FAM117A: variants seen among roughly 807,000 people sequenced by gnomAD.
FAM117A encodes family with sequence similarity 117 member A, also known as protein FAM117A.
In FAM117A, 21 loss-of-function variants were observed where a neutral mutation model predicts 44.1. The observed-to-expected ratio is 0.48, with a 90% CI of 0.34 to 0.69. The LOEUF (loss-of-function observed/expected upper bound fraction) is 0.69, where lower values mean the gene tolerates loss of function less well. FAM117A is among the 30% of genes least tolerant of loss of function. The pLI is 0.01. For missense variants in FAM117A, 498 were observed against 589.9 expected (o/e 0.84, Z 1.61); for synonymous variants, 220 against 238.3 (o/e 0.92, Z 0.71).
intron 2 of FAM117A, among the ~76,000 whole-genome samples, chr17:49,723,100 C>T (rs544163801): frequency 1.3e-5 from 2 of 152,216 alleles, no homozygotes; most frequent in East Asian, 3.9e-4. Flanking sequence ...AACATAGGTC[C>T]CCTGACCAAA....
intron 1 of FAM117A, among the ~76,000 whole-genome samples, chr17:49,781,832 C>T (rs1222219935): frequency 4.0e-5 from 6 of 151,860 alleles, no homozygotes; most frequent in South Asian, 4.2e-4. Flanking sequence ...AAAAAATTAG[C>T]GGGGTATGGT....
chr17:49,774,604 C>T lies in FAM117A; in HGVS notation c.-621+13893G>A, dbSNP rs368008584. ...CAAACTCCTGACCTCGTGATCTGCC[C>T]GCCTCAGCCTCCCAAAGTGCTGGGA... On this transcript the variant is annotated intron_variant, in intron 1 of 7. Transcript: ENST00000513602. 2.6e-4 allele frequency among the ~76,000 whole-genome samples: 40 copies of T among 152,216 alleles called. 1 individual carries two copies. In the East Asian group the frequency reaches 7.0e-3, roughly 26 times the overall value.
At chr17:49,725,446 A>G (rs1437285831) in intron 2 of FAM117A, among the ~76,000 whole-genome samples, 1 of 152,238 alleles carries the variant, frequency 6.6e-6, no homozygotes, top group Admixed American at 6.5e-5. Flanking sequence ...GATAAGTGCC[A>G]AGGAGAAAAA....
At chr17:49,731,300 G>A (rs970384424) in intron 2 of FAM117A, among the ~76,000 whole-genome samples, 2 of 152,192 alleles carry the variant, frequency 1.3e-5, no homozygotes, top group Non-Finnish European at 2.9e-5. Context: ...TAGCCACCCT[G>A]TTTCTGCCTA....
chr17:49,789,102 T>C (rs1249363335), upstream of FAM117A: 1 of 377,220 alleles, frequency 2.7e-6, no homozygotes, highest in East Asian at 4.0e-5. Context: ...CGCTGAAACG[T>C]CTGGAAGCAT....
chr17:49,739,217 A>G (rs976790693), intron 1 of FAM117A, among the ~76,000 whole-genome samples: 3 of 152,202 alleles, frequency 2.0e-5, no homozygotes, highest in Non-Finnish European at 2.9e-5. Context: ...GTCCTTTAGG[A>G]TTGAAGGTGT....
chr17:49,724,275 C>T, intron 2 of FAM117A: 1 of 449,762 alleles, frequency 2.2e-6, no homozygotes, highest in Middle Eastern at 6.1e-4. Context: ...GAAGCTGGGC[C>T]CCGCACCCCC....
chr17:49,724,043 A>C (rs952256199), intron 2 of FAM117A, among the ~76,000 whole-genome samples: 5 of 152,154 alleles, frequency 3.3e-5, no homozygotes, highest in African/African-American at 1.2e-4. Context: ...CAAACCCTAA[A>C]GCCATATACT....
chr17:49,785,597 A>C (rs1331341758), intron 1 of FAM117A, among the ~76,000 whole-genome samples: 1 of 152,174 alleles, frequency 6.6e-6, no homozygotes, highest in Non-Finnish European at 1.5e-5. Flanking sequence ...TTCAGATCTG[A>C]CATCAAAGCC....
intron 1 of FAM117A, among the ~76,000 whole-genome samples, chr17:49,783,932 T>C (rs1598040580): frequency 6.6e-6 from 1 of 152,134 alleles, no homozygotes; most frequent in South Asian, 2.1e-4. Context: ...GCATGGCTGG[T>C]TCTGTGCAAG....
chr17:49,776,085 A>G (rs555027447), intron 1 of FAM117A, among the ~76,000 whole-genome samples: 2 of 152,156 alleles, frequency 1.3e-5, no homozygotes, highest in East Asian at 3.9e-4. Flanking sequence ...AGGAAGTAAC[A>G]CAGCCAACAG....
intron 2 of FAM117A, 99 bp from the exon 3 acceptor site, chr17:49,722,693 C>T: frequency 1.1e-6 from 1 of 920,998 alleles, no homozygotes; most frequent in Non-Finnish European, 1.7e-6. Flanking sequence ...CCCTTTGAGC[C>T]CTTCTCTCTG....
chr17:49,751,316 C>T (rs1475786577), intron 1 of FAM117A, among the ~76,000 whole-genome samples: 1 of 149,846 alleles, frequency 6.7e-6, no homozygotes, highest in South Asian at 2.1e-4. Context: ...CGCGCTGGCT[C>T]ACACCTGTAA....
At chr17:49,750,977 T>G (rs1328033555) in intron 1 of FAM117A, among the ~76,000 whole-genome samples, 1 of 151,976 alleles carries the variant, frequency 6.6e-6, no homozygotes, top group Non-Finnish European at 1.5e-5. Flanking sequence ...AGTTGGGAAA[T>G]AAGTAGGAAA....
At chr17:49,722,351 T>A (rs1465332229) in intron 3 of FAM117A, 148 bp downstream of exon 3, 1 of 645,272 alleles carries the variant, frequency 1.5e-6, no homozygotes, top group Admixed American at 2.7e-5. Context: ...GGGAGTCAGC[T>A]AGGAAGGAGC....
intron 1 of FAM117A, among the ~76,000 whole-genome samples, chr17:49,737,124 C>T (rs1284353650): frequency 6.6e-6 from 1 of 152,206 alleles, no homozygotes; most frequent in Admixed American, 6.5e-5. Flanking sequence ...CTCTGAGGCT[C>T]AGGAAGGCCC....
rs1383360682 is a variant in FAM117A, at chr17:49,764,051, C to A, written c.37G>T (p.Ala13Ser). The A allele has an allele frequency of 1.6e-6, 2 of 1,231,220 alleles. No individual in the cohort carries two copies. The highest frequency in any genetic ancestry group is 2.0e-6 in the Non-Finnish European group (2 of 984,386). 76.3% of individuals were successfully genotyped at this position (1,231,220 alleles called of 1,614,324 possible). ...GAAAGGRGGG[A>S]WGPGRGGAGG... Reference sequence around the variant, plus strand: ...GCCCCTCCGCGCCCCGGCCCCCAGGCACCTCCGCCTCTGCCGCCCGCTGCG... The same window carrying A: ...GCCCCTCCGCGCCCCGGCCCCCAGGAACCTCCGCCTCTGCCGCCCGCTGCG... Residue 13 changes from alanine to serine, a missense_variant, in exon 1 of 8, where the codon GCC (alanine) becomes TCC (serine). Transcript: ENST00000240364.
intron 1 of FAM117A, among the ~76,000 whole-genome samples, chr17:49,787,797 A>C (rs2073824436): frequency 6.6e-6 from 1 of 152,114 alleles, no homozygotes; most frequent in Non-Finnish European, 1.5e-5. Flanking sequence ...ATTATTATTT[A>C]AATGTCCATT....
At chr17:49,727,836 T>C (rs2073566878) in intron 2 of FAM117A, among the ~76,000 whole-genome samples, 1 of 152,188 alleles carries the variant, frequency 6.6e-6, no homozygotes, top group Non-Finnish European at 1.5e-5. Flanking sequence ...GTAAGCTCCA[T>C]GTGTGGAGCT....
Sources: allele counts gnomAD v4.1 joint callset (sites outside exome capture counted in the v4.1 genomes callset), GRCh38; gene constraint gnomAD v4.1.1; transcripts MANE v1.5; gene names NCBI Gene and HGNC (gene_info 2026-07-23, HGNC 2026-07-21).